The following FREM1 variants were observed in gnomAD, a reference collection of about 807,000 sequenced individuals.
FREM1 encodes FRAS1-related extracellular matrix protein 1.
Under a neutral mutation model 210.1 loss-of-function variants are expected in FREM1, and 220 were observed. The observed-to-expected ratio is 1.05, with a 90% CI of 0.94 to 1.17. The LOEUF is 1.17. FREM1 is among the 50% of genes most tolerant of loss of function. The pLI, the probability that FREM1 is intolerant of heterozygous loss-of-function variation, is 0.00. For missense variants in FREM1, 3,454 were observed against 2,675.5 expected, an observed-to-expected ratio of 1.29 and a Z score of -6.42; for synonymous variants, 1,189 against 980.2, an observed-to-expected ratio of 1.21 and a Z score of -3.98.
chr9:14,844,486 A>G (rs1284043257), intron 8 of FREM1, among the ~76,000 whole-genome samples: 1 of 152,070 alleles, frequency 6.6e-6, no homozygotes, highest in Non-Finnish European at 1.5e-5. Flanking sequence ...CGGCCTCCCA[A>G]AGTGCTGGGA....
chr9:14,872,645 T>C (rs896695300), intron 1 of FREM1, among the ~76,000 whole-genome samples: 14 of 151,160 alleles, frequency 9.3e-5, no homozygotes, highest in African/African-American at 1.5e-4. Flanking sequence ...CTTTTCCTAA[T>C]TGAATACCCT....
At chr9:14,902,786 C>G (rs531943175) in intron 1 of FREM1, among the ~76,000 whole-genome samples, 2 of 152,162 alleles carry the variant, frequency 1.3e-5, no homozygotes, top group Non-Finnish European at 2.9e-5. Flanking sequence ...CTGCCAAACT[C>G]TAAGTCCAGA....
intron 20 of FREM1, among the ~76,000 whole-genome samples, chr9:14,799,151 T>C (rs1343927498): frequency 1.3e-5 from 2 of 152,102 alleles, no homozygotes; most frequent in Non-Finnish European, 2.9e-5. Flanking sequence ...GTATGTGTGA[T>C]GACTTGTGCC....
intron 1 of FREM1, among the ~76,000 whole-genome samples, chr9:14,890,397 C>T (rs541991460): frequency 3.9e-4 from 59 of 152,286 alleles, no homozygotes; most frequent in African/African-American, 1.3e-3. Context: ...GTTCACCATA[C>T]CCAAATACAT....
intron 1 of FREM1, among the ~76,000 whole-genome samples, chr9:14,898,217 A>C (rs1838094675): frequency 6.6e-6 from 1 of 152,174 alleles, no homozygotes; most frequent in South Asian, 2.1e-4. Flanking sequence ...CCTCATCTAC[A>C]AAATGAAGAC....
chr9:14,764,399 T>C lies in FREM1; in HGVS notation c.5205-4498A>G, dbSNP rs550315448. Among the ~76,000 whole-genome samples the C allele has an allele frequency of 1.2e-3, 184 of 152,364 alleles. 1 individual carries two copies. The highest frequency in any genetic ancestry group is 4.2e-3 in the African/African-American group (173 of 41,590). ...CTGTCACACACTTGGAAAAAATTGC[T>C]AGGCTAGATGATCCTCACATGTTTT... On this transcript the variant is annotated intron_variant, in intron 27 of 36. Coordinates refer to ENST00000380880, the MANE Select transcript of FREM1 (RefSeq NM_001379081.2).
At chr9:14,763,432 T>C (rs534519269) in intron 27 of FREM1, among the ~76,000 whole-genome samples, 1 of 152,154 alleles carries the variant, frequency 6.6e-6, no homozygotes, top group South Asian at 2.1e-4. Flanking sequence ...GAGACAGAGG[T>C]TGCAGTGAGC....
chr9:14,756,523 C>G (rs113537412), intron 28 of FREM1, 77 bp from the exon 29 acceptor site: 7 of 962,846 alleles, frequency 7.3e-6, no homozygotes, highest in African/African-American at 5.0e-5. Flanking sequence ...CTCCCTCATA[C>G]TGGACTAAAC....
Position 14,823,071 on chromosome 9 carries a change from C to G in FREM1, c.2337+89G>C, listed in dbSNP as rs557457158. ...TTCTTTTATAAGTTTAAAAAACTAG[C>G]CTAAAGGAAAGTTACCATTTCTAGT... On this transcript the variant is annotated intron_variant, in intron 13 of 36. Transcript: ENST00000380880. 5.1e-6 allele frequency: 5 copies of G among 973,620 alleles called. No individual in the cohort carries two copies. The East Asian group carries it at 1.1e-4, about 21-fold the overall frequency. The allele number at this position is 973,620 out of a possible 1,614,324, so 60.3% of individuals were successfully genotyped here.
At chr9:14,824,187 C>A (rs1182908129) in intron 11 of FREM1, 72 bp from the exon 12 acceptor site, 2 of 914,704 alleles carry the variant, frequency 2.2e-6, no homozygotes, top group East Asian at 2.7e-5. Flanking sequence ...AGCCCACAAT[C>A]AAAAACTGAA....
At chr9:14,861,340 C>CAT (rs1268809226) in intron 3 of FREM1, among the ~76,000 whole-genome samples, 15 of 122,464 alleles carry the variant, frequency 1.2e-4, no homozygotes, top group South Asian at 4.5e-4. Context: ...CATATATACA[C>CAT]ATATATATAC....
At position 14,824,349 on chromosome 9, in the gene FREM1, G is replaced by A. The variant is rs74901843; in HGVS notation, c.2079-234C>T. ...ATCTTTTGCTTGGCATCATGTAAGG[G>A]AATTGTTACACTCATGTTAAAAATG... On this transcript the variant is annotated intron_variant, in intron 11 of 36. Coordinates refer to ENST00000380880, the MANE Select transcript of FREM1 (RefSeq NM_001379081.2). 3.8e-3 allele frequency among the ~76,000 whole-genome samples: 585 copies of A among 152,210 alleles called. 2 individuals carry two copies. Among genetic ancestry groups the A allele is most frequent in the Non-Finnish European group, 3.5e-3 (238 of 68,010 alleles).
intron 1 of FREM1, among the ~76,000 whole-genome samples, chr9:14,908,568 G>A (rs1818195424): frequency 6.6e-6 from 1 of 152,102 alleles, no homozygotes; most frequent in African/African-American, 2.4e-5. Flanking sequence ...AAAAAGATGA[G>A]GTTGGTGGAA....
intron 10 of FREM1, among the ~76,000 whole-genome samples, chr9:14,840,507 C>T (rs1487639540): frequency 2.0e-5 from 3 of 152,168 alleles, no homozygotes; most frequent in African/African-American, 7.2e-5. Flanking sequence ...AGCGCGCAAG[C>T]TTGTACAGGG....
intron 10 of FREM1, among the ~76,000 whole-genome samples, chr9:14,835,907 T>C (rs1281100917): frequency 1.3e-5 from 2 of 152,238 alleles, no homozygotes; most frequent in East Asian, 3.8e-4. Context: ...TTTCAGCTTT[T>C]TGCCTACGTT....
At chr9:14,905,297 CAT>C (rs1273165026) in intron 1 of FREM1, among the ~76,000 whole-genome samples, 11 of 152,310 alleles carry the variant, frequency 7.2e-5, no homozygotes, top group Admixed American at 4.6e-4. Flanking sequence ...CACTCCTCCA[CAT>C]GTTTGAATGA....
In FREM1 at chr9:14,842,471, A is replaced by G; in HGVS notation, c.1583T>C (p.Val528Ala). The change falls in exon 9 of 37, where the codon GTT becomes GCT. Residue 528 changes from valine (V) to alanine (A), a missense_variant. Transcript: ENST00000380880. Reference sequence around the variant, plus strand: ...CTGCCCCTCCTCCAGTTCAATCACAACATTGGTTATGAGGAACGGGGGACT... The same window carrying G: ...CTGCCCCTCCTCCAGTTCAATCACAGCATTGGTTATGAGGAACGGGGGACT... ...DDSPPFLITN[V>A]VIELEEGQTI... 1.2e-6 allele frequency: 2 copies of G among 1,613,994 alleles called. No homozygotes were observed. Among genetic ancestry groups the G allele is most frequent in the Non-Finnish European group, 1.7e-6 (2 of 1,179,876 alleles).
chr9:14,860,809 A>ATATATACG, intron 3 of FREM1, among the ~76,000 whole-genome samples: 3 of 82,994 alleles, frequency 3.6e-5, no homozygotes, highest in East Asian at 5.4e-4. Flanking sequence ...ACATATATAC[A>ATATATACG]TATATACACA....
chr9:14,845,751 C>T (rs754311020), intron 8 of FREM1, among the ~76,000 whole-genome samples: 3 of 152,154 alleles, frequency 2.0e-5, no homozygotes, highest in Non-Finnish European at 4.4e-5. Flanking sequence ...CAATGAGCCA[C>T]GTACAAGGTA....
Sources: gnomAD v4.1 joint callset for allele counts (sites outside exome capture counted in the v4.1 genomes callset) on GRCh38, gnomAD v4.1.1 for gene constraint, MANE v1.5 for transcripts, NCBI Gene and HGNC (gene_info 2026-07-23, HGNC 2026-07-21) for gene names.